Variants in KIAA0825 observed in about 807,000 individuals in gnomAD.
KIAA0825 encodes the protein KIAA0825.
A neutral mutation model predicts 147.6 loss-of-function variants in KIAA0825; 119 were observed. The observed-to-expected ratio is 0.81, with a 90% CI of 0.69 to 0.94. KIAA0825 has a LOEUF of 0.94. Ranked by LOEUF, KIAA0825 falls within the 40% of genes least tolerant of loss-of-function variation. The pLI, the probability that KIAA0825 is intolerant of heterozygous loss-of-function variation, is 0.00. For missense variants in KIAA0825, 1,381 were observed against 1,472.7 expected (o/e 0.94, Z 1.02); for synonymous variants, 470 against 518.1 (o/e 0.91, Z 1.26).
intron 1 of KIAA0825, among the ~76,000 whole-genome samples, chr5:94,583,051 G>A (rs1033303331): frequency 7.2e-5 from 11 of 152,112 alleles, no homozygotes; most frequent in African/African-American, 2.2e-4. Flanking sequence ...TGGGGGAGGC[G>A]CTTCCAAGAT....
chr5:94,471,835 C>T (rs1222982195), intron 8 of KIAA0825, 104 bp from the exon 9 acceptor site: 3 of 1,032,268 alleles, frequency 2.9e-6, no homozygotes, highest in Non-Finnish European at 2.8e-6. Flanking sequence ...TGGCATCAAA[C>T]ATAAATATAA....
chr5:94,581,171 A>G lies in KIAA0825; in HGVS notation c.-2+1262T>C, dbSNP rs1478633157. On this transcript the variant is annotated intron_variant, in intron 2 of 20. Transcript: ENST00000682413. ...GTGGTTCTTTATATCTATAGAGGTGATAACACCAACAAGATCAAATCATTA... is the reference window on the plus strand; with the variant it reads ...GTGGTTCTTTATATCTATAGAGGTGGTAACACCAACAAGATCAAATCATTA... 2.0e-5 allele frequency among the ~76,000 whole-genome samples: 3 copies of G among 152,300 alleles called. No homozygotes were observed. The East Asian group carries it at 5.8e-4, about 29-fold the overall frequency.
rs771486226 is a variant in KIAA0825 at position 94,182,250 on chromosome 5, CTTTTTTTTTTTTTTT to C, written c.3711-28141_3711-28127del. 3.4e-4 allele frequency among the ~76,000 whole-genome samples: 13 copies of C among 38,276 alleles called. 1 individual carries two copies. Among genetic ancestry groups the C allele is most frequent in the Non-Finnish European group, 4.3e-5 (1 of 23,236 alleles). 25.1% of individuals were successfully genotyped at this position (38,276 alleles called of 152,430 possible). ...CAAGACATAACTTAAAATGTCCCTT[CTTTTTTTTTTTTTTT>C]TTTTTTTTTTTTGAGACAGGGCCTT... On this transcript the variant is annotated intron_variant, in intron 20 of 20. Transcript: ENST00000682413.
chr5:94,434,106 C>A (rs1477869865), intron 14 of KIAA0825, among the ~76,000 whole-genome samples: 1 of 152,168 alleles, frequency 6.6e-6, no homozygotes, highest in Non-Finnish European at 1.5e-5. Context: ...TTCTTCCCTG[C>A]AGATTTAAGA....
At chr5:94,505,591 T>A (rs1477957359) in intron 5 of KIAA0825, among the ~76,000 whole-genome samples, 1 of 152,166 alleles carries the variant, frequency 6.6e-6, no homozygotes, top group Non-Finnish European at 1.5e-5. Context: ...GAAAGCTAAT[T>A]ACATTCAGAT....
At chr5:94,368,981 A>G (rs1746273219) in intron 20 of KIAA0825, among the ~76,000 whole-genome samples, 1 of 152,102 alleles carries the variant, frequency 6.6e-6, no homozygotes, top group African/African-American at 2.4e-5. Context: ...CAGACCGGGC[A>G]ACATGGCAAA....
chr5:94,369,359 A>G (rs1051885660), intron 20 of KIAA0825, among the ~76,000 whole-genome samples: 3 of 152,200 alleles, frequency 2.0e-5, no homozygotes, highest in African/African-American at 7.2e-5. Flanking sequence ...TTTTTAAAAA[A>G]TAGAATGTGA....
chr5:94,293,870 CTTCT>C (rs1393994800), intron 20 of KIAA0825, among the ~76,000 whole-genome samples: 1 of 152,022 alleles, frequency 6.6e-6, no homozygotes, highest in Non-Finnish European at 1.5e-5. Context: ...ATGTAATGCC[CTTCT>C]TTGTCTTTTT....
intron 2 of KIAA0825, among the ~76,000 whole-genome samples, chr5:94,541,214 C>T (rs1363647421): frequency 6.6e-6 from 1 of 152,178 alleles, no homozygotes; most frequent in African/African-American, 2.4e-5. Context: ...GAGTTAGACG[C>T]TGGAAAGAGT....
At chr5:94,414,514 T>C (rs1753188102) in intron 15 of KIAA0825, 1 of 152,210 alleles carries the variant, frequency 6.6e-6, no homozygotes, top group African/African-American at 2.4e-5. Context: ...TGTAGTAATC[T>C]TAAGTGGGTA....
chr5:94,346,166 G>C (rs1782963955), intron 20 of KIAA0825, among the ~76,000 whole-genome samples: 1 of 152,020 alleles, frequency 6.6e-6, no homozygotes, highest in Non-Finnish European at 1.5e-5. Context: ...ATGAGGGGTG[G>C]TCTCCTCCCT....
At chr5:94,247,653 C>T (rs1583957030) in intron 20 of KIAA0825, among the ~76,000 whole-genome samples, 1 of 152,094 alleles carries the variant, frequency 6.6e-6, no homozygotes, top group African/African-American at 2.4e-5. Context: ...CATCACTAGA[C>T]AATAAGTTCC....
rs202220874 is a variant in KIAA0825 at position 94,536,958 on chromosome 5, G to A, written c.131+38C>T. 230 of 1,466,186 alleles carry A rather than the reference G, an allele frequency of 1.6e-4. 1 individual carries two copies. The highest frequency in any genetic ancestry group is 3.9e-4 in the Admixed American group (21 of 54,050). 90.8% of individuals were successfully genotyped at this position (1,466,186 alleles called of 1,614,324 possible). ...CAGGTAAATTTCATATAAGTGAAAT[G>A]TGAAAACAACTTGTTTTAAATAATT... On this transcript the variant is annotated intron_variant, in intron 3 of 20. Coordinates refer to ENST00000682413, the MANE Select transcript of KIAA0825 (RefSeq NM_001145678.3).
In KIAA0825 at chr5:94,439,986, G is replaced by A. The variant is rs1360026049; in HGVS notation, c.2493C>T (p.Ser831=). 6.4e-7 allele frequency: 1 copy of A among 1,551,430 alleles called. No homozygotes were observed. The highest frequency in any genetic ancestry group is 8.7e-7 in the Non-Finnish European group (1 of 1,146,708). ...DGLLLRILLK[S]SKQVSDTENN... is the part of the protein sequence containing the mutation. ...CTTATAACTACACATACTCACTTGA[G>A]CTCTTCAGCAAGATTCTCAGTAAAA... is the stretch of plus-strand genomic sequence containing the variant. The change falls in exon 14 of 21, where the codon AGC becomes AGT. Residue 831 remains serine (S), a synonymous_variant. Transcript: ENST00000682413.
intron 2 of KIAA0825, among the ~76,000 whole-genome samples, chr5:94,554,247 C>T (rs965520166): frequency 7.9e-5 from 12 of 152,242 alleles, no homozygotes; most frequent in Middle Eastern, 3.4e-3. Context: ...CCAACTCAGA[C>T]ATCTTTATGG....
intron 20 of KIAA0825, among the ~76,000 whole-genome samples, chr5:94,305,413 AG>A: frequency 6.6e-6 from 1 of 152,118 alleles, no homozygotes; most frequent in African/African-American, 2.4e-5. Flanking sequence ...ATCACAATGT[AG>A]GATTGACATA....
chr5:94,473,435 C>G lies in KIAA0825; in HGVS notation c.1312G>C (p.Gly438Arg), dbSNP rs1761458725. 1 of 1,551,914 alleles carries G rather than the reference C, an allele frequency of 6.4e-7. No homozygotes were observed. The highest frequency in any genetic ancestry group is 8.7e-7 in the Non-Finnish European group (1 of 1,147,044). ...MAHCVVTAIE[G>R]FSTKILQQEQ... ...TGTTGGAGAATTTTTGTGGAAAAAC[C>G]TTCAATTGCAGTTACTACGCAGTGC... The change falls in exon 8 of 21, where the codon GGT (glycine) becomes CGT (arginine). Residue 438 changes from glycine (G) to arginine (R), a missense_variant. Transcript: ENST00000682413.
At chr5:94,583,291 C>T (rs1222886367) in intron 1 of KIAA0825, among the ~76,000 whole-genome samples, 3 of 152,224 alleles carry the variant, frequency 2.0e-5, no homozygotes, top group Non-Finnish European at 2.9e-5. Flanking sequence ...AGCAATAGTA[C>T]ATTCCTGTCC....
intron 20 of KIAA0825, among the ~76,000 whole-genome samples, chr5:94,215,856 C>T (rs1231440821): frequency 1.3e-5 from 2 of 152,070 alleles, no homozygotes; most frequent in South Asian, 2.1e-4. Context: ...CCTTGCATCT[C>T]GTAAACCCCT....
Sources: allele counts gnomAD v4.1 joint callset (sites outside exome capture counted in the v4.1 genomes callset), GRCh38; gene constraint gnomAD v4.1.1; transcripts MANE v1.5; gene names NCBI Gene and HGNC (gene_info 2026-07-23, HGNC 2026-07-21).